The following HEATR5A variants were observed in gnomAD, a reference collection of about 807,000 sequenced individuals.
HEATR5A encodes the protein HEAT repeat-containing protein 5A.
Under a neutral mutation model 218.8 loss-of-function variants are expected in HEATR5A, and 178 were observed. The observed-to-expected ratio is 0.81, with a 90% CI of 0.72 to 0.92. The LOEUF (loss-of-function observed/expected upper bound fraction) is 0.92. Ranked by LOEUF, HEATR5A falls within the 40% of genes least tolerant of loss-of-function variation. The pLI is 0.00. For missense variants in HEATR5A, 2,420 were observed against 2,418.9 expected (o/e 1.00, Z -0.01); for synonymous variants, 864 against 871.6 (o/e 0.99, Z 0.15).
intron 11 of HEATR5A, 86 bp from the exon 12 acceptor site, chr14:31,375,054 T>G: frequency 2.8e-6 from 3 of 1,080,238 alleles, no homozygotes; most frequent in Non-Finnish European, 3.9e-6. Flanking sequence ...ACTTCTCTCC[T>G]AAACATTTTA....
At chr14:31,307,019 G>A (rs1461147194) in intron 30 of HEATR5A, 140 bp from the exon 31 acceptor site, 7 of 681,170 alleles carry the variant, frequency 1.0e-5, no homozygotes, top group Admixed American at 3.3e-5. Flanking sequence ...GTTAAGTAAC[G>A]CTCCATTTTA....
chr14:31,364,130 A>G (rs567879008), intron 14 of HEATR5A, 59 bp downstream of exon 14: 4 of 677,612 alleles, frequency 5.9e-6, no homozygotes, highest in Non-Finnish European at 7.5e-6. Context: ...GACAATAACT[A>G]TTGTTCCAGA....
chr14:31,383,804 A>G, intron 9 of HEATR5A, 33 bp from the exon 10 acceptor site: 1 of 1,586,552 alleles, frequency 6.3e-7, no homozygotes, highest in Non-Finnish European at 8.6e-7. Context: ...ACTTAGGTAC[A>G]TAGATAAAAC....
At chr14:31,327,491 A>G (rs575244368) in intron 22 of HEATR5A, among the ~76,000 whole-genome samples, 2 of 151,130 alleles carry the variant, frequency 1.3e-5, no homozygotes, top group East Asian at 2.0e-4. Flanking sequence ...ACGGGTTTCA[A>G]CAGTGGCCAG....
intron 22 of HEATR5A, among the ~76,000 whole-genome samples, chr14:31,326,555 C>A (rs905631177): frequency 9.2e-5 from 14 of 152,028 alleles, no homozygotes; most frequent in Non-Finnish European, 1.9e-4. Context: ...TGTAATGTCA[C>A]TGAAAAAAAG....
At chr14:31,341,597 G>A (rs1038495168) in intron 21 of HEATR5A, among the ~76,000 whole-genome samples, 5 of 151,992 alleles carry the variant, frequency 3.3e-5, no homozygotes, top group Non-Finnish European at 7.4e-5. Context: ...CAAGGTCTCA[G>A]TATGTTCCCC....
Position 31,374,860 on chromosome 14 carries a change from A to C in HEATR5A, c.1817T>G (p.Phe606Cys). The change falls in exon 12 of 36, where the codon TTT (phenylalanine) becomes TGT (cysteine). Residue 606 changes from phenylalanine (F) to cysteine (C), a missense_variant. Physicochemically the swap from Phe to Cys is radical, Grantham distance 205. Coordinates refer to ENST00000543095, the MANE Select transcript of HEATR5A (RefSeq NM_015473.4). ...TCCTTCCAGGGTCACCTGCCATGTA[A>C]ACGAATCTCCTCGGCTCTTTTCTGT... ...LETEKSRGDSFTWQVTLEGRA... is the reference protein window; with the variant it reads ...LETEKSRGDSCTWQVTLEGRA... The C allele has an allele frequency of 6.2e-7, 1 of 1,613,808 alleles. No individual in the cohort carries two copies. The highest frequency in any genetic ancestry group is 8.5e-7 in the Non-Finnish European group (1 of 1,179,812).
intron 1 of HEATR5A, among the ~76,000 whole-genome samples, chr14:31,408,836 A>T (rs1283478643): frequency 6.7e-6 from 1 of 149,750 alleles, no homozygotes; most frequent in Admixed American, 6.7e-5. Flanking sequence ...TTTTATAAAG[A>T]TGGAGTCTTC....
At chr14:31,367,042 G>A (rs1461533035) in intron 13 of HEATR5A, among the ~76,000 whole-genome samples, 2 of 152,132 alleles carry the variant, frequency 1.3e-5, no homozygotes, top group Non-Finnish European at 2.9e-5. Flanking sequence ...AGCACATAAG[G>A]AAGAGAGAAA....
chr14:31,341,691 G>T (rs1900845036), intron 21 of HEATR5A, among the ~76,000 whole-genome samples: 1 of 152,078 alleles, frequency 6.6e-6, no homozygotes. Context: ...GAGCCATTGT[G>T]CCCAGCTGAT....
chr14:31,407,211 A>G (rs1018014978), intron 1 of HEATR5A, among the ~76,000 whole-genome samples: 1 of 152,176 alleles, frequency 6.6e-6, no homozygotes, highest in Admixed American at 6.5e-5. Flanking sequence ...AGATCACTTG[A>G]GCCCAGGAGG....
chr14:31,391,873 T>C (rs1222754114), intron 6 of HEATR5A, among the ~76,000 whole-genome samples: 1 of 152,200 alleles, frequency 6.6e-6, no homozygotes, highest in Non-Finnish European at 1.5e-5. Flanking sequence ...CTATACCATA[T>C]AGCCTAGTGT....
Position 31,347,828 on chromosome 14 carries a change from T to G in HEATR5A, c.2788A>C (p.Ile930Leu). Reference protein sequence around the residue: ...LGSLHRYLGGISSSQHLNSCI... With the variant: ...LGSLHRYLGGLSSSQHLNSCI... ...GAATTTAGGTGTTGAGAAGAACTTA[T>G]TCCTCCTAAATACCTATGTAGGGAC... The change falls in exon 19 of 36, where the codon ATA becomes CTA. Residue 930 changes from isoleucine to leucine, a missense_variant. Physicochemically the swap from Ile to Leu is conservative, Grantham distance 5 (BLOSUM62 2). Coordinates refer to ENST00000543095, the MANE Select transcript of HEATR5A (RefSeq NM_015473.4). 6.2e-7 allele frequency: 1 copy of G among 1,605,310 alleles called. No individual in the cohort carries two copies. The highest frequency in any genetic ancestry group is 8.5e-7 in the Non-Finnish European group (1 of 1,175,318).
intron 22 of HEATR5A, among the ~76,000 whole-genome samples, chr14:31,328,327 T>C (rs1482333238): frequency 6.6e-5 from 10 of 152,196 alleles, no homozygotes; most frequent in African/African-American, 2.2e-4. Context: ...AAGGAGGTGA[T>C]AGAAATGTTT....
intron 1 of HEATR5A, among the ~76,000 whole-genome samples, chr14:31,406,298 A>G (rs2031058893): frequency 6.6e-6 from 1 of 152,218 alleles, no homozygotes; most frequent in African/African-American, 2.4e-5. Flanking sequence ...ATATTTAAAT[A>G]TATTTTTCAA....
At chr14:31,325,957 CA>C (rs1900253818) in intron 23 of HEATR5A, 1 of 578,010 alleles carries the variant, frequency 1.7e-6, no homozygotes, top group Non-Finnish European at 3.0e-6. Context: ...GGAAAAAGAG[CA>C]GGCTTAAGTA....
At chr14:31,371,983 C>T (rs1270894828) in intron 12 of HEATR5A, 74 bp from the exon 13 acceptor site, 4 of 637,600 alleles carry the variant, frequency 6.3e-6, no homozygotes, top group Non-Finnish European at 8.1e-6. Context: ...TATGGTACAA[C>T]ATTAGCATTG....
At position 31,344,042 on chromosome 14, in the gene HEATR5A, A is replaced by G; in HGVS notation, c.3082T>C (p.Leu1028=). 6.5e-7 allele frequency: 1 copy of G among 1,548,494 alleles called. No homozygotes were observed. Among genetic ancestry groups the G allele is most frequent in the Non-Finnish European group, 8.7e-7 (1 of 1,148,400 alleles). The change falls in exon 21 of 36, where the codon TTA becomes CTA. Residue 1028 remains leucine (L), a synonymous_variant. Coordinates refer to ENST00000543095, the MANE Select transcript of HEATR5A (RefSeq NM_015473.4). ...LQGNSTSIST[L]RTSCLLGCAV... The stretch of plus-strand genomic sequence containing the variant: ...CAACCCAGTAGACAGGAAGTCCTTA[A>G]GGTAGAAATTGAAGTACTGTTACCT...
chr14:31,384,376 G>A (rs1223760235), intron 9 of HEATR5A, among the ~76,000 whole-genome samples: 1 of 151,564 alleles, frequency 6.6e-6, no homozygotes, highest in South Asian at 2.1e-4. Context: ...CCAGGGTGGC[G>A]GGACTTGCAG....
Sources: allele counts gnomAD v4.1 joint callset (sites outside exome capture counted in the v4.1 genomes callset), GRCh38; gene constraint gnomAD v4.1.1; transcripts MANE v1.5; gene names NCBI Gene and HGNC (gene_info 2026-07-23, HGNC 2026-07-21).